The following NDST3 variants were observed in gnomAD, a reference collection of about 807,000 sequenced individuals.
NDST3 encodes bifunctional heparan sulfate N-deacetylase/N-sulfotransferase 3.
In NDST3, 58 loss-of-function variants were observed where a neutral mutation model predicts 96.1. That is an observed-to-expected ratio of 0.60 (90% CI 0.49 to 0.75). The LOEUF (loss-of-function observed/expected upper bound fraction) is 0.75, where lower values mean the gene tolerates loss of function less well. NDST3 is among the 30% of genes least tolerant of loss of function. NDST3 has a pLI of 0.00. For synonymous variants in NDST3, 333 were observed against 359.7 expected (o/e 0.93, Z 0.84); for missense variants, 788 against 1,034.2 (o/e 0.76, Z 3.27).
chr4:118,058,018 A>G (rs1365951404), intron 2 of NDST3, among the ~76,000 whole-genome samples: 1 of 152,070 alleles, frequency 6.6e-6, no homozygotes, highest in Non-Finnish European at 1.5e-5. Context: ...TAAAAAAATC[A>G]TAAATTTTGT....
chr4:118,228,471 C>G (rs1167280148), intron 8 of NDST3, among the ~76,000 whole-genome samples: 3 of 152,194 alleles, frequency 2.0e-5, no homozygotes, highest in Non-Finnish European at 4.4e-5. Flanking sequence ...TACTTGTCCT[C>G]TTAAACTGAA....
At chr4:118,120,135 T>A (rs1226640016) in intron 4 of NDST3, among the ~76,000 whole-genome samples, 2 of 152,176 alleles carry the variant, frequency 1.3e-5, no homozygotes, top group Non-Finnish European at 2.9e-5. Flanking sequence ...AGTAAACGTT[T>A]CTTCTAGCTC....
intron 6 of NDST3, among the ~76,000 whole-genome samples, chr4:118,144,305 C>T (rs1402998205): frequency 1.3e-5 from 2 of 152,014 alleles, no homozygotes; most frequent in African/African-American, 2.4e-5. Flanking sequence ...CTCAGCCTCC[C>T]GAGTAGCTGG....
At chr4:118,083,553 C>T (rs375274420) in intron 2 of NDST3, among the ~76,000 whole-genome samples, 4 of 152,094 alleles carry the variant, frequency 2.6e-5, no homozygotes, top group Non-Finnish European at 5.9e-5. Flanking sequence ...TAAACCACCA[C>T]CATTGAGCCC....
intron 3 of NDST3, among the ~76,000 whole-genome samples, chr4:118,110,912 C>T (rs537014556): frequency 6.6e-6 from 1 of 152,082 alleles, no homozygotes; most frequent in African/African-American, 2.4e-5. Flanking sequence ...TGGAATGAAC[C>T]TAGGTGTCCA....
intron 2 of NDST3, among the ~76,000 whole-genome samples, chr4:118,065,548 T>C (rs950907153): frequency 6.6e-6 from 1 of 152,102 alleles, no homozygotes; most frequent in East Asian, 1.9e-4. Flanking sequence ...TAGAAGTGCA[T>C]CAATTATGAG....
rs11930876 is a variant in NDST3, at chr4:118,125,574, G to A, written c.1224+10614G>A. On this transcript the variant is annotated intron_variant, in intron 4 of 13. Coordinates refer to ENST00000296499, the MANE Select transcript of NDST3 (RefSeq NM_004784.3). ...AGTATGTAGAAAGAAAATTGTATAT[G>A]GGAGTTTAAGTTTGTTCATGGATTA... is the stretch of plus-strand genomic sequence containing the variant. Among the ~76,000 whole-genome samples the A allele has an allele frequency of 5.5e-3, 839 of 152,064 alleles. 9 individuals carry two copies. The highest frequency in any genetic ancestry group is 0.019 in the African/African-American group (805 of 41,506).
intron 1 of NDST3, among the ~76,000 whole-genome samples, chr4:118,039,650 G>GA (rs1466611854): frequency 6.6e-6 from 1 of 152,190 alleles, no homozygotes; most frequent in Non-Finnish European, 1.5e-5. Flanking sequence ...AGATAAGGGG[G>GA]ATCAGGGAAG....
chr4:118,187,256 T>C (rs1305142961), intron 6 of NDST3, among the ~76,000 whole-genome samples: 2 of 152,216 alleles, frequency 1.3e-5, no homozygotes, highest in African/African-American at 2.4e-5. Context: ...TTATTTAGCA[T>C]AACTTTCACA....
At chr4:118,169,925 C>T (rs2125935935) in intron 6 of NDST3, among the ~76,000 whole-genome samples, 1 of 152,200 alleles carries the variant, frequency 6.6e-6, no homozygotes, top group African/African-American at 2.4e-5. Context: ...TGGTGGGCAT[C>T]TCTTCATGTA....
chr4:118,247,030 C>G (rs1394172098), intron 12 of NDST3, among the ~76,000 whole-genome samples: 1 of 152,102 alleles, frequency 6.6e-6, no homozygotes, highest in East Asian at 1.9e-4. Context: ...TAAACAGAAT[C>G]TCACTCAACA....
intron 6 of NDST3, among the ~76,000 whole-genome samples, chr4:118,160,874 A>G (rs943641549): frequency 6.6e-6 from 1 of 152,044 alleles, no homozygotes; most frequent in African/African-American, 2.4e-5. Flanking sequence ...TCAACTCGTC[A>G]AAGTCATTCT....
rs186065200 is a variant in NDST3 at position 118,128,032 on chromosome 4, T to C, written c.1225-10022T>C. On this transcript the variant is annotated intron_variant, in intron 4 of 13. Coordinates refer to ENST00000296499, the MANE Select transcript of NDST3 (RefSeq NM_004784.3). Reference sequence around the variant, plus strand: ...AATGTTACTGGCTTTTGTATGTTGATCTTGTATCTTGAATTTTACTGAATT... The same window carrying C: ...AATGTTACTGGCTTTTGTATGTTGACCTTGTATCTTGAATTTTACTGAATT... Among the ~76,000 whole-genome samples, 180 of 152,216 alleles carry C rather than the reference T, an allele frequency of 1.2e-3. 1 individual carries two copies. The highest frequency in any genetic ancestry group is 2.3e-3 in the Non-Finnish European group (155 of 67,946).
chr4:118,053,934 C>A lies in NDST3; in HGVS notation c.24C>A (p.His8Gln). The change falls in exon 2 of 14, where the codon CAC (histidine) becomes CAA (glutamine). Residue 8 changes from histidine (H) to glutamine (Q), a missense_variant. Physicochemically the swap from His to Gln is conservative, Grantham distance 24. Transcript: ENST00000296499. MSFIMKL[H>Q]RHFQRTVILL... ...ACATGAGTTTTATCATGAAGCTTCA[C>A]AGACACTTTCAAAGAACAGTCATTC... The A allele has an allele frequency of 6.2e-7, 1 of 1,607,776 alleles. No homozygotes were observed. Among genetic ancestry groups the A allele is most frequent in the Non-Finnish European group, 8.5e-7 (1 of 1,176,320 alleles).
chr4:118,189,661 A>C (rs1327390372), intron 6 of NDST3, among the ~76,000 whole-genome samples: 1 of 152,110 alleles, frequency 6.6e-6, no homozygotes, highest in Non-Finnish European at 1.5e-5. Flanking sequence ...GATAGAGGAG[A>C]CTCAGTTTTC....
At chr4:118,113,404 GA>G (rs1730804721) in intron 3 of NDST3, among the ~76,000 whole-genome samples, 1 of 152,176 alleles carries the variant, frequency 6.6e-6, no homozygotes, top group Non-Finnish European at 1.5e-5. Flanking sequence ...TTAAGCATGC[GA>G]AAGTGAAACT....
chr4:118,094,557 C>T (rs1177206625), intron 2 of NDST3, among the ~76,000 whole-genome samples: 1 of 151,752 alleles, frequency 6.6e-6, no homozygotes, highest in Non-Finnish European at 1.5e-5. Flanking sequence ...GTGTCCTTTC[C>T]ATAGAAGTCA....
In NDST3 at chr4:118,257,594, T is replaced by C. The variant is rs1400715199; in HGVS notation, c.*1882T>C. 6.6e-6 allele frequency: 1 copy of C among 152,230 alleles called. No homozygotes were observed. The highest frequency in any genetic ancestry group is 1.5e-5 in the Non-Finnish European group (1 of 68,028). 9.4% of individuals were successfully genotyped at this position (152,230 alleles called of 1,614,324 possible). On this transcript the variant is annotated 3_prime_UTR_variant, in exon 14 of 14. Coordinates refer to ENST00000296499, the MANE Select transcript of NDST3 (RefSeq NM_004784.3). ...AAAAATATTTTCATTGTCATTTTAA[T>C]GGGTAAAACTATCAATTACTAATTA...
At chr4:118,069,081 T>A (rs1726830617) in intron 2 of NDST3, among the ~76,000 whole-genome samples, 1 of 152,066 alleles carries the variant, frequency 6.6e-6, no homozygotes, top group Non-Finnish European at 1.5e-5. Context: ...GGACACTGGA[T>A]AATTTTGACA....
Sources: gnomAD v4.1 joint callset for allele counts (sites outside exome capture counted in the v4.1 genomes callset) on GRCh38, gnomAD v4.1.1 for gene constraint, MANE v1.5 for transcripts, NCBI Gene and HGNC (gene_info 2026-07-23, HGNC 2026-07-21) for gene names.